COL28A1: variants seen among roughly 807,000 people sequenced by gnomAD.
COL28A1 encodes the protein collagen type XXVIII alpha 1 chain, also known as collagen alpha-1(XXVIII) chain.
Under a neutral mutation model 150.2 loss-of-function variants are expected in COL28A1, and 161 were observed. The ratio of observed to expected loss-of-function variants is 1.07; its 90% CI spans 0.94 to 1.22. The LOEUF is 1.22. Among genes scored for constraint, COL28A1 ranks in the 50% most tolerant of loss-of-function variants. The pLI is 0.00. For synonymous variants in COL28A1, 552 were observed against 469.7 expected (o/e 1.18, Z -2.26); for missense variants, 1,617 against 1,388.3 (o/e 1.16, Z -2.62).
At position 7,458,900 on chromosome 7, in the gene COL28A1, G is replaced by A. The variant is rs554373968; in HGVS notation, c.1303-2788C>T. 3.5e-4 allele frequency among the ~76,000 whole-genome samples: 54 copies of A among 152,274 alleles called. 1 individual carries two copies. In the South Asian group the frequency reaches 8.7e-3, roughly 25 times the overall value. On this transcript the variant is annotated intron_variant, in intron 15 of 34. Coordinates refer to ENST00000399429, the MANE Select transcript of COL28A1 (RefSeq NM_001037763.3). Reference sequence around the variant, plus strand: ...AAGAGAGGGTCCCTTTTTGTGCAGTGTTATTGACATTTAAATACCTGTGCC... The same window carrying A: ...AAGAGAGGGTCCCTTTTTGTGCAGTATTATTGACATTTAAATACCTGTGCC...
At chr7:7,374,038 A>AAT (rs60964603) in intron 31 of COL28A1, among the ~76,000 whole-genome samples, 4,582 of 113,478 alleles carry the variant, frequency 0.04, 127 homozygotes, top group Middle Eastern at 0.054. Context: ...AAAAAAAAAA[A>AAT]ATATATATAT....
intron 27 of COL28A1, among the ~76,000 whole-genome samples, chr7:7,393,868 G>A (rs1294650): frequency 0.58 from 87,582 of 151,954 alleles, 27,324 homozygotes; most frequent in South Asian, 0.68. Flanking sequence ...GCTAGGCTCC[G>A]CGGGGGTGGG....
intron 15 of COL28A1, among the ~76,000 whole-genome samples, chr7:7,457,597 T>C (rs1054280913): frequency 5.3e-5 from 8 of 152,166 alleles, no homozygotes; most frequent in African/African-American, 1.9e-4. Context: ...ATATAAATGA[T>C]ATTAAAGGCC....
intron 27 of COL28A1, among the ~76,000 whole-genome samples, chr7:7,404,544 T>C (rs1322803303): frequency 2.0e-5 from 3 of 151,996 alleles, no homozygotes; most frequent in African/African-American, 7.2e-5. Flanking sequence ...TATAGGACCT[T>C]TGCACAAGCT....
Position 7,490,597 on chromosome 7 carries a change from A to AT in COL28A1, c.1075dup (p.Ile359AsnfsTer7), listed in dbSNP as rs1779863107. On this transcript the variant is annotated frameshift_variant, in exon 12 of 35. Transcript: ENST00000399429. LOFTEE classifies it high-confidence loss of function. ...CTTTACCTTAATACCTTGCTGTCCAATTCCAGGAGCTCCTGGAGAACCATA... is the reference window on the plus strand; with the variant it reads ...CTTTACCTTAATACCTTGCTGTCCAATTTCCAGGAGCTCCTGGAGAACCATA... 1 of 1,373,608 alleles carries AT rather than the reference A, an allele frequency of 7.3e-7. No homozygotes were observed. The highest frequency in any genetic ancestry group is 1.0e-6 in the Non-Finnish European group (1 of 961,572). The allele number at this position is 1,373,608 out of a possible 1,614,324, so 85.1% of individuals were successfully genotyped here.
intron 12 of COL28A1, among the ~76,000 whole-genome samples, chr7:7,490,358 A>G (rs1313270008): frequency 6.6e-6 from 1 of 152,236 alleles, no homozygotes; most frequent in East Asian, 1.9e-4. Flanking sequence ...GGAGACAAGT[A>G]AGTTTTTCAT....
chr7:7,529,386 C>T (rs1782215696), intron 3 of COL28A1, among the ~76,000 whole-genome samples: 1 of 151,672 alleles, frequency 6.6e-6, no homozygotes. Flanking sequence ...GCCTAATAAG[C>T]ACTTTGGATC....
Position 7,389,018 on chromosome 7 carries a change from T to A in COL28A1, c.2137-7406A>T, listed in dbSNP as rs951605572. On this transcript the variant is annotated intron_variant, in intron 27 of 34. Coordinates refer to ENST00000399429, the MANE Select transcript of COL28A1 (RefSeq NM_001037763.3). ...TAGTTTATTAGATCCCATTTGTCAA[T>A]TTTGGCTTTGGTCGCCATTGCTTTT... Among the ~76,000 whole-genome samples, 173 of 152,344 alleles carry A rather than the reference T, an allele frequency of 1.1e-3. 1 individual carries two copies. The highest frequency in any genetic ancestry group is 3.9e-3 in the African/African-American group (161 of 41,580).
chr7:7,356,052 C>A (rs901159469), downstream of COL28A1, among the ~76,000 whole-genome samples: 2 of 151,898 alleles, frequency 1.3e-5, no homozygotes, highest in Admixed American at 1.3e-4. Flanking sequence ...TAGAGAATTA[C>A]AAATTATGAT....
At chr7:7,428,924 A>G (rs1583347768) in intron 25 of COL28A1, among the ~76,000 whole-genome samples, 1 of 152,234 alleles carries the variant, frequency 6.6e-6, no homozygotes, top group African/African-American at 2.4e-5. Flanking sequence ...GAATTTTTCC[A>G]CTTGGAAAAG....
chr7:7,469,517 G>C (rs1788254385), intron 15 of COL28A1, among the ~76,000 whole-genome samples: 1 of 74,600 alleles, frequency 1.3e-5, no homozygotes, highest in Non-Finnish European at 2.5e-5. Flanking sequence ...TCAATATCGT[G>C]AAAATGGCCA....
chr7:7,411,514 C>G (rs1200351895), intron 27 of COL28A1, among the ~76,000 whole-genome samples: 1 of 152,162 alleles, frequency 6.6e-6, no homozygotes, highest in East Asian at 1.9e-4. Context: ...TCTTTTTCTC[C>G]TGAAATCAGG....
intron 13 of COL28A1, among the ~76,000 whole-genome samples, chr7:7,484,557 A>G (rs1195508422): frequency 6.6e-6 from 1 of 152,134 alleles, no homozygotes; most frequent in Admixed American, 6.5e-5. Context: ...AATAATAAAT[A>G]ATTTTGGTAG....
intron 18 of COL28A1, among the ~76,000 whole-genome samples, chr7:7,450,817 A>G (rs914801886): frequency 1.3e-5 from 2 of 152,192 alleles, no homozygotes; most frequent in African/African-American, 4.8e-5. Context: ...AAAATGAGAT[A>G]TTTTCATACA....
At chr7:7,437,172 G>A (rs1047290451) in intron 22 of COL28A1, among the ~76,000 whole-genome samples, 4 of 152,182 alleles carry the variant, frequency 2.6e-5, no homozygotes, top group African/African-American at 9.7e-5. Flanking sequence ...AAGACGTAAT[G>A]AAGGGTAAAG....
rs144497933 is a variant in COL28A1, at chr7:7,464,543, T to C, written c.1303-8431A>G. Among the ~76,000 whole-genome samples the C allele has an allele frequency of 3.0e-3, 457 of 152,306 alleles. 1 individual carries two copies. The highest frequency in any genetic ancestry group is 0.011 in the African/African-American group (440 of 41,580). ...GCCATGCAAATACATGGAAATTAAA[T>C]AACCTGCTCCTGAAAGATCACTGGG... is the stretch of plus-strand genomic sequence containing the variant. On this transcript the variant is annotated intron_variant, in intron 15 of 34. Transcript: ENST00000399429.
chr7:7,521,719 G>C (rs906537695), intron 5 of COL28A1, among the ~76,000 whole-genome samples, 186 bp downstream of exon 5: 5 of 152,138 alleles, frequency 3.3e-5, no homozygotes, highest in Non-Finnish European at 7.3e-5. Flanking sequence ...TAAAATCCCA[G>C]GCTTATTTCT....
chr7:7,428,203 G>A (rs1784750753), intron 25 of COL28A1, among the ~76,000 whole-genome samples: 1 of 152,140 alleles, frequency 6.6e-6, no homozygotes, highest in African/African-American at 2.4e-5. Context: ...ACAGACTTAT[G>A]CCAACAACTT....
intron 15 of COL28A1, among the ~76,000 whole-genome samples, chr7:7,464,548 T>A (rs1262543556): frequency 6.6e-6 from 1 of 152,186 alleles, no homozygotes; most frequent in African/African-American, 2.4e-5. Context: ...TTAAATAACC[T>A]GCTCCTGAAA....
Sources: allele counts gnomAD v4.1 joint callset (sites outside exome capture counted in the v4.1 genomes callset), GRCh38; gene constraint gnomAD v4.1.1; transcripts MANE v1.5; gene names NCBI Gene and HGNC (gene_info 2026-07-23, HGNC 2026-07-21).